The following HSPA4L variants were observed in gnomAD, a reference collection of about 807,000 sequenced individuals.
HSPA4L encodes the protein heat shock protein family A (Hsp70) member 4 like, also known as heat shock 70 kDa protein 4L.
In HSPA4L, 48 loss-of-function variants were observed where a neutral mutation model predicts 100.3. That is an observed-to-expected ratio of 0.48 (90% CI 0.38 to 0.61). HSPA4L has a LOEUF of 0.61. Among genes scored for constraint, HSPA4L ranks in the 20% least tolerant of loss-of-function variants. The probability of loss-of-function intolerance (pLI) is 0.00; values close to 1 mark genes in which losing one functional copy is unlikely to be tolerated. For missense variants in HSPA4L, 886 were observed against 988.6 expected, an observed-to-expected ratio of 0.90 and a Z score of 1.39; for synonymous variants, 319 against 328.2, an observed-to-expected ratio of 0.97 and a Z score of 0.30.
At chr4:127,801,431 T>TA (rs1410002094) in intron 5 of HSPA4L, among the ~76,000 whole-genome samples, 194 bp downstream of exon 5, 1 of 151,268 alleles carries the variant, frequency 6.6e-6, no homozygotes, top group East Asian at 1.9e-4. Context: ...ACAGTCTCTT[T>TA]AAAAAAATTT....
At chr4:127,793,711 A>G (rs2148778762) in intron 1 of HSPA4L, among the ~76,000 whole-genome samples, 1 of 152,340 alleles carries the variant, frequency 6.6e-6, no homozygotes, top group South Asian at 2.1e-4. Flanking sequence ...AATTTCCACA[A>G]GGTTAAGTGG....
At position 127,825,938 on chromosome 4, in the gene HSPA4L, A is replaced by G. The variant is rs539775091; in HGVS notation, c.2047-1367A>G. ...CAAAACTCCATCTCAAAAAAAAAAAAAAAAAAGAAAAAAGAAACATAAGCC... is the reference window on the plus strand; with the variant it reads ...CAAAACTCCATCTCAAAAAAAAAAAGAAAAAAGAAAAAAGAAACATAAGCC... On this transcript the variant is annotated intron_variant, in intron 16 of 18. Coordinates refer to ENST00000296464, the MANE Select transcript of HSPA4L (RefSeq NM_014278.4). Among the ~76,000 whole-genome samples the G allele has an allele frequency of 3.3e-3, 477 of 143,974 alleles. 4 individuals are homozygous for G. The highest frequency in any genetic ancestry group is 0.011 in the African/African-American group (454 of 40,458). 94.5% of individuals were successfully genotyped at this position (143,974 alleles called of 152,430 possible).
chr4:127,830,068 T>TA (rs2148801035), intron 17 of HSPA4L, among the ~76,000 whole-genome samples: 1 of 152,254 alleles, frequency 6.6e-6, no homozygotes, highest in South Asian at 2.1e-4. Flanking sequence ...GGAGTGTTCT[T>TA]ACATTCTCTT....
Position 127,782,379 on chromosome 4 carries a change from G to A in HSPA4L, c.-172G>A. ...GCAGGCTGCGGCGCTGACGGCCTCT[G>A]CTCCTTCCGCGGGTTTCCGACTCCC... is the stretch of plus-strand genomic sequence containing the variant. On this transcript the variant is annotated 5_prime_UTR_variant, in exon 1 of 19. Coordinates refer to ENST00000296464, the MANE Select transcript of HSPA4L (RefSeq NM_014278.4). 1.6e-6 allele frequency: 1 copy of A among 613,492 alleles called. No homozygotes were observed. Among genetic ancestry groups the A allele is most frequent in the South Asian group, 1.9e-5 (1 of 53,740 alleles). The allele number at this position is 613,492 out of a possible 1,614,324, so 38.0% of individuals were successfully genotyped here. A position where few individuals can be genotyped will look rare whatever the true frequency, so the allele number is the denominator to read the frequency against.
At chr4:127,801,747 C>T (rs757242390) in intron 5 of HSPA4L, 38 bp from the exon 6 acceptor site, 12 of 1,528,058 alleles carry the variant, frequency 7.9e-6, no homozygotes, top group Non-Finnish European at 1.1e-5. Flanking sequence ...CAAGTAATTA[C>T]TGTGCTAGAA....
In HSPA4L at chr4:127,804,499, A is replaced by G. The variant is rs146681460; in HGVS notation, c.985+412A>G. ...TGCGCACCTGTAACCCCAGCTATTC[A>G]GGAGGCTGAGGCCGGAGAATCACTT... On this transcript the variant is annotated intron_variant, in intron 8 of 18. Transcript: ENST00000296464. Among the ~76,000 whole-genome samples, 76 of 152,050 alleles carry G rather than the reference A, an allele frequency of 5.0e-4. 1 individual carries two copies. The highest frequency in any genetic ancestry group is 1.7e-3 in the African/African-American group (69 of 41,474).
At chr4:127,796,041 G>T in intron 3 of HSPA4L, 133 bp downstream of exon 3, 1 of 723,416 alleles carries the variant, frequency 1.4e-6, no homozygotes, top group Non-Finnish European at 2.1e-6. Context: ...AGTAGTTTTT[G>T]TAATAATTTT....
chr4:127,809,118 T>C (rs1451605670), intron 11 of HSPA4L: 3 of 657,936 alleles, frequency 4.6e-6, no homozygotes, highest in African/African-American at 3.6e-5. Flanking sequence ...TCCCAGGTGA[T>C]TGTGAAGTGC....
At chr4:127,782,876 C>G (rs1381095243) in intron 1 of HSPA4L, among the ~76,000 whole-genome samples, 1 of 152,112 alleles carries the variant, frequency 6.6e-6, no homozygotes, top group Non-Finnish European at 1.5e-5. Context: ...GGACGAGGGA[C>G]CGCACTAGTT....
rs754384150 is a variant in HSPA4L, at chr4:127,827,318, C to T, written c.2060C>T (p.Pro687Leu). 6 of 1,610,294 alleles carry T rather than the reference C, an allele frequency of 3.7e-6. No homozygotes were observed. Residue 687 changes from proline (P) to leucine (L), a missense_variant, in exon 17 of 19, where the codon CCT becomes CTT. Pro to Leu is a moderately conservative substitution (Grantham distance 98). Coordinates refer to ENST00000296464, the MANE Select transcript of HSPA4L (RefSeq NM_014278.4). The part of the protein sequence containing the change: ...KLQELKKYGQ[P>L]IQMKYMEHEE... Reference sequence around the variant, plus strand: ...TTATGTTAACAGAAATACGGCCAGCCTATTCAAATGAAGTACATGGAGCAT... The same window carrying T: ...TTATGTTAACAGAAATACGGCCAGCTTATTCAAATGAAGTACATGGAGCAT...
At chr4:127,799,704 A>G (rs1031212753) in intron 4 of HSPA4L, among the ~76,000 whole-genome samples, 1 of 152,226 alleles carries the variant, frequency 6.6e-6, no homozygotes, top group Non-Finnish European at 1.5e-5. Context: ...ATGTCAGAAC[A>G]GAGTAATACA....
In HSPA4L at chr4:127,798,466, C is replaced by T. The variant is rs1440302263; in HGVS notation, c.307-121C>T. On this transcript the variant is annotated intron_variant, in intron 3 of 18. Transcript: ENST00000296464. ...AAATGACAATCTTTCTGGAATAAAA[C>T]TTCCTTGAGCAAGGGTGTCTTTTTC... The T allele has an allele frequency of 1.7e-5, 15 of 901,428 alleles. No homozygotes were observed. In the East Asian group the frequency reaches 3.6e-4, roughly 22 times the overall value. The allele number at this position is 901,428 out of a possible 1,614,324, so 55.8% of individuals were successfully genotyped here.
chr4:127,785,779 A>G (rs1732700242), intron 1 of HSPA4L, among the ~76,000 whole-genome samples: 1 of 152,128 alleles, frequency 6.6e-6, no homozygotes, highest in African/African-American at 2.4e-5. Context: ...ACATATTTCT[A>G]TACTATCAGT....
At position 127,839,015 on chromosome 4, in the gene HSPA4L, T is replaced by C. The variant is rs900586130; in HGVS notation, c.*6141T>C. On this transcript the variant is annotated 3_prime_UTR_variant, in exon 19 of 19. Coordinates refer to ENST00000296464, the MANE Select transcript of HSPA4L (RefSeq NM_014278.4). ...TTTGTATTCTGGCCTTGGAATACTTTAATTCCGGACCAAAAGAGGTCAATT... is the reference window on the plus strand; with the variant it reads ...TTTGTATTCTGGCCTTGGAATACTTCAATTCCGGACCAAAAGAGGTCAATT... 2 of 152,220 alleles carry C rather than the reference T, an allele frequency of 1.3e-5. No individual in the cohort carries two copies. Among genetic ancestry groups the C allele is most frequent in the African/African-American group, 2.4e-5 (1 of 41,470 alleles). The allele number at this position is 152,220 out of a possible 1,614,324, so 9.4% of individuals were successfully genotyped here. A position where few individuals can be genotyped will look rare whatever the true frequency, so the allele number is the denominator to read the frequency against.
Position 127,782,356 on chromosome 4 carries a change from A to G in HSPA4L, c.-195A>G, listed in dbSNP as rs371462440. ...AGACCCAGGCTGCGGGACGCGGTGCAGGCTGCGGCGCTGACGGCCTCTGCT... is the reference window on the plus strand; with the variant it reads ...AGACCCAGGCTGCGGGACGCGGTGCGGGCTGCGGCGCTGACGGCCTCTGCT... On this transcript the variant is annotated 5_prime_UTR_variant, in exon 1 of 19. Coordinates refer to ENST00000296464, the MANE Select transcript of HSPA4L (RefSeq NM_014278.4). 324 of 574,850 alleles carry G rather than the reference A, an allele frequency of 5.6e-4. 1 individual carries two copies. In the East Asian group the frequency reaches 8.1e-3, roughly 14 times the overall value. The allele number at this position is 574,850 out of a possible 1,614,324, so 35.6% of individuals were successfully genotyped here.
At chr4:127,786,845 CAT>C (rs1345838494) in intron 1 of HSPA4L, among the ~76,000 whole-genome samples, 4 of 152,114 alleles carry the variant, frequency 2.6e-5, no homozygotes, top group African/African-American at 9.7e-5. Flanking sequence ...ACATACAAAA[CAT>C]ATTAGTGTAA....
intron 1 of HSPA4L, among the ~76,000 whole-genome samples, chr4:127,787,973 C>A (rs2148775028): frequency 6.6e-6 from 1 of 152,190 alleles, no homozygotes; most frequent in Non-Finnish European, 1.5e-5. Context: ...TGGTAGTTTG[C>A]AAACTCCTGG....
chr4:127,783,451 A>G (rs944853496), intron 1 of HSPA4L: 1 of 1,369,770 alleles, frequency 7.3e-7, no homozygotes, highest in South Asian at 1.7e-5. Flanking sequence ...ATGACTGTGG[A>G]GTGATTCTAT....
In HSPA4L at chr4:127,839,596, G is replaced by A. The variant is rs1019796472; in HGVS notation, c.*6722G>A. On this transcript the variant is annotated 3_prime_UTR_variant, in exon 19 of 19. Transcript: ENST00000296464. ...TAGTCCCAGCTATTCGGGAGGCTGAGGCAAGAGAATTGCTTGAACCCGGGA... is the reference window on the plus strand; with the variant it reads ...TAGTCCCAGCTATTCGGGAGGCTGAAGCAAGAGAATTGCTTGAACCCGGGA... The A allele has an allele frequency of 2.0e-5, 3 of 152,024 alleles. No homozygotes were observed. Among genetic ancestry groups the A allele is most frequent in the African/African-American group, 4.8e-5 (2 of 41,372 alleles). 9.4% of individuals were successfully genotyped at this position (152,024 alleles called of 1,614,324 possible).
Sources: allele counts gnomAD v4.1 joint callset (sites outside exome capture counted in the v4.1 genomes callset), GRCh38; gene constraint gnomAD v4.1.1; transcripts MANE v1.5; gene names NCBI Gene and HGNC (gene_info 2026-07-23, HGNC 2026-07-21).